The following BMP3 variants were observed in gnomAD, a reference collection of about 807,000 sequenced individuals.
The protein encoded by BMP3 is bone morphogenetic protein 3 (osteogenic).
Under a neutral mutation model 38.1 loss-of-function variants are expected in BMP3, and 23 were observed. That is an observed-to-expected ratio of 0.60 (90% CI 0.43 to 0.86). The LOEUF is 0.86. Ranked by LOEUF, BMP3 falls within the 40% of genes least tolerant of loss-of-function variation. BMP3 has a pLI of 0.00. For synonymous variants in BMP3, 258 were observed against 225.7 expected (o/e 1.14, Z -1.28); for missense variants, 628 against 579.6 (o/e 1.08, Z -0.86).
rs74764079 is a variant in BMP3, at chr4:81,031,483, T to A, written c.199T>A (p.Tyr67Asn). The change falls in exon 1 of 3, where the codon TAC becomes AAC. Residue 67 changes from tyrosine to asparagine, a missense_variant. By Grantham distance (143) the Tyr-to-Asn change is moderately radical. Transcript: ENST00000282701. ...ACACATGCTGCGGCTCTATGACAGGTACAGCACGGTCCAGGCGGCCCGGAC... is the reference window on the plus strand; with the variant it reads ...ACACATGCTGCGGCTCTATGACAGGAACAGCACGGTCCAGGCGGCCCGGAC... ...SEHMLRLYDR[Y>N]STVQAARTPG... 38,985 of 1,613,116 alleles carry A rather than the reference T, an allele frequency of 0.024. 537 individuals are homozygous for A. Among genetic ancestry groups the A allele is most frequent in the Middle Eastern group, 0.035 (211 of 6,060 alleles).
chr4:81,041,271 ATTT>A (rs1425850415), intron 1 of BMP3, among the ~76,000 whole-genome samples: 1 of 152,142 alleles, frequency 6.6e-6, no homozygotes, highest in African/African-American at 2.4e-5. Context: ...GCTTATTACA[ATTT>A]TTTTCATCCA....
Position 81,056,120 on chromosome 4 carries a change from G to A in BMP3, c.*2584G>A, listed in dbSNP as rs946374948. 35 of 151,992 alleles carry A rather than the reference G, an allele frequency of 2.3e-4. No individual in the cohort carries two copies. The highest frequency in any genetic ancestry group is 8.2e-4 in the African/African-American group (34 of 41,374). The allele number at this position is 151,992 out of a possible 1,614,324, so 9.4% of individuals were successfully genotyped here. Reference sequence around the variant, plus strand: ...TAAGTGCCTGTTTTACAAATTGTTAGGTACTAGTTTCTGTATAATTCCTAC... The same window carrying A: ...TAAGTGCCTGTTTTACAAATTGTTAAGTACTAGTTTCTGTATAATTCCTAC... On this transcript the variant is annotated 3_prime_UTR_variant, in exon 3 of 3. Coordinates refer to ENST00000282701, the MANE Select transcript of BMP3 (RefSeq NM_001201.5).
chr4:81,053,504 A>G lies in BMP3; in HGVS notation c.1387A>G (p.Asn463Asp), dbSNP rs1360488361. Reference sequence around the variant, plus strand: ...GAATGTAGTGCTTAAAGTATACCCTAACATGACAGTAGAGTCTTGCGCTTG... The same window carrying G: ...GAATGTAGTGCTTAAAGTATACCCTGACATGACAGTAGAGTCTTGCGCTTG... ...NKNVVLKVYPNMTVESCACR is the reference protein window; with the variant it reads ...NKNVVLKVYPDMTVESCACR Residue 463 changes from asparagine (N) to aspartate (D), a missense_variant, in exon 3 of 3, where the codon AAC becomes GAC. Coordinates refer to ENST00000282701, the MANE Select transcript of BMP3 (RefSeq NM_001201.5). The G allele has an allele frequency of 6.3e-7, 1 of 1,595,442 alleles. No individual in the cohort carries two copies. The highest frequency in any genetic ancestry group is 8.5e-7 in the Non-Finnish European group (1 of 1,171,972).
rs1740574107 is a variant in BMP3, at chr4:81,056,503, A to AT, written c.*2974dup. 1 of 152,482 alleles carries AT rather than the reference A, an allele frequency of 6.6e-6. No homozygotes were observed. The highest frequency in any genetic ancestry group is 2.1e-4 in the South Asian group (1 of 4,828). 9.4% of individuals were successfully genotyped at this position (152,482 alleles called of 1,614,324 possible). On this transcript the variant is annotated 3_prime_UTR_variant, in exon 3 of 3. Coordinates refer to ENST00000282701, the MANE Select transcript of BMP3 (RefSeq NM_001201.5). ...AGGTGTCCGCCACCATGCCTGGCTAATTTTTTTATTTGATAAAAAGAATTC... is the reference window on the plus strand; with the variant it reads ...AGGTGTCCGCCACCATGCCTGGCTAATTTTTTTTATTTGATAAAAAGAATTC...
chr4:81,032,318 C>T (rs577553981), intron 1 of BMP3, among the ~76,000 whole-genome samples: 2 of 151,712 alleles, frequency 1.3e-5, no homozygotes, highest in South Asian at 4.2e-4. Flanking sequence ...GAGGGAGCAA[C>T]CCTGGATGTA....
At chr4:81,036,389 A>G (rs967198498) in intron 1 of BMP3, among the ~76,000 whole-genome samples, 1 of 152,032 alleles carries the variant, frequency 6.6e-6, no homozygotes, top group Non-Finnish European at 1.5e-5. Context: ...CCTTATGAAA[A>G]TGCTTGAGCA....
chr4:81,053,606 T>TG lies in BMP3; in HGVS notation c.*70_*71insG, dbSNP rs1455575899. 2 of 754,904 alleles carry TG rather than the reference T, an allele frequency of 2.6e-6. No homozygotes were observed. The highest frequency in any genetic ancestry group is 4.0e-5 in the South Asian group (1 of 25,084). The allele number at this position is 754,904 out of a possible 1,614,324, so 46.8% of individuals were successfully genotyped here. On this transcript the variant is annotated 3_prime_UTR_variant, in exon 3 of 3. Transcript: ENST00000282701. ...ATTTTTATGGACTTCTTCCTGTTTT[T>TG]TTTTTTTTTTTTTTTGCACTGCCAA...
chr4:81,038,390 G>A (rs75558261), intron 1 of BMP3, among the ~76,000 whole-genome samples: 264 of 152,264 alleles, frequency 1.7e-3, no homozygotes, highest in African/African-American at 6.3e-3. Flanking sequence ...TCATCTTTGT[G>A]TTCTGAGGAC....
intron 2 of BMP3, among the ~76,000 whole-genome samples, chr4:81,049,502 CT>C (rs531270616): frequency 7.2e-5 from 11 of 152,260 alleles, no homozygotes; most frequent in African/African-American, 2.2e-4. Context: ...AAGTGTGGAG[CT>C]TTCTCTCTGA....
chr4:81,043,508 A>G (rs1740142320), intron 1 of BMP3, among the ~76,000 whole-genome samples: 1 of 151,112 alleles, frequency 6.6e-6, no homozygotes, highest in Admixed American at 6.6e-5. Context: ...TTTTTGCAGT[A>G]TGCCTTATTT....
rs1553913134 is a variant in BMP3 at position 81,032,214 on chromosome 4, A to AAAAC, written c.316+617_316+618insCAAA. The stretch of plus-strand genomic sequence containing the variant: ...AGTGGCAAAAAAAAAAAAAAAAAAA[A>AAAAC]AAAAAACAGGTGCTTGGGTGTTTCG... On this transcript the variant is annotated intron_variant, in intron 1 of 2. Transcript: ENST00000282701. Among the ~76,000 whole-genome samples, 57 of 141,316 alleles carry AAAAC rather than the reference A, an allele frequency of 4.0e-4. 2 individuals are homozygous for AAAAC. The highest frequency in any genetic ancestry group is 1.4e-3 in the African/African-American group (52 of 36,838). The allele number at this position is 141,316 out of a possible 152,430, so 92.7% of individuals were successfully genotyped here.
chr4:81,050,323 C>T (rs1578300327), intron 2 of BMP3, among the ~76,000 whole-genome samples: 1 of 152,166 alleles, frequency 6.6e-6, no homozygotes, highest in East Asian at 1.9e-4. Flanking sequence ...GATTTCTAGC[C>T]CTTACAGCCA....
chr4:81,032,095 C>T (rs1739789050), intron 1 of BMP3, among the ~76,000 whole-genome samples: 1 of 151,516 alleles, frequency 6.6e-6, no homozygotes, highest in African/African-American at 2.4e-5. Context: ...TCCTTTTCTC[C>T]TTCCCCAGTC....
At chr4:81,041,084 A>T (rs975345268) in intron 1 of BMP3, among the ~76,000 whole-genome samples, 3 of 152,208 alleles carry the variant, frequency 2.0e-5, no homozygotes, top group Non-Finnish European at 1.5e-5. Flanking sequence ...AGACAATGCA[A>T]ATCTTCTGTT....
chr4:81,036,296 GTCAA>G (rs1739922876), intron 1 of BMP3, among the ~76,000 whole-genome samples: 1 of 151,938 alleles, frequency 6.6e-6, no homozygotes, highest in African/African-American at 2.4e-5. Flanking sequence ...TACTTAAGAT[GTCAA>G]TCAAATTCCT....
At chr4:81,052,656 C>T (rs573578124) in intron 2 of BMP3, among the ~76,000 whole-genome samples, 2 of 152,112 alleles carry the variant, frequency 1.3e-5, no homozygotes, top group South Asian at 2.1e-4. Context: ...GCAACAGTGA[C>T]CCCCAGTGGC....
chr4:81,042,806 G>T (rs10019046), intron 1 of BMP3, among the ~76,000 whole-genome samples: 126,135 of 152,160 alleles, frequency 0.83, 53,722 homozygotes, highest in Non-Finnish European at 0.93. Context: ...GAACAGAGTG[G>T]CTTCTCTTCC....
intron 2 of BMP3, among the ~76,000 whole-genome samples, chr4:81,052,946 T>A (rs1740435584): frequency 6.6e-6 from 1 of 152,124 alleles, no homozygotes; most frequent in African/African-American, 2.4e-5. Flanking sequence ...GAAAACACCG[T>A]AGAGTGTATT....
chr4:81,032,705 A>G (rs1739812989), intron 1 of BMP3, among the ~76,000 whole-genome samples: 1 of 152,144 alleles, frequency 6.6e-6, no homozygotes, highest in South Asian at 2.1e-4. Context: ...GATATGCAAG[A>G]CTCCTGGAAA....
Sources: gnomAD v4.1 joint callset for allele counts (sites outside exome capture counted in the v4.1 genomes callset) on GRCh38, gnomAD v4.1.1 for gene constraint, MANE v1.5 for transcripts, NCBI Gene and HGNC (gene_info 2026-07-23, HGNC 2026-07-21) for gene names.